Variants in C4orf50 observed in about 807,000 individuals in gnomAD.
C4orf50 encodes chromosome 4 open reading frame 50.
In C4orf50, 80 loss-of-function variants were observed where a neutral mutation model predicts 77.2. The ratio of observed to expected loss-of-function variants is 1.04; its 90% CI spans 0.87 to 1.25. The LOEUF is 1.25. Among genes scored for constraint, C4orf50 ranks in the 50% most tolerant of loss-of-function variants. The probability of loss-of-function intolerance (pLI) is 0.00; values close to 1 mark genes in which losing one functional copy is unlikely to be tolerated. For synonymous variants in C4orf50, 532 were observed against 465.3 expected (o/e 1.14, Z -1.84); for missense variants, 1,257 against 1,152.9 (o/e 1.09, Z -1.31).
exon 34 of C4orf50, chr4:5,959,242 A>G (rs1719133812): frequency 9.1e-7 from 1 of 1,093,944 alleles, no homozygotes; most frequent in East Asian, 2.4e-5. Context: ...ACAAAATCCC[A>G]AAGCCGAAGG....
intron 31 of C4orf50, among the ~76,000 whole-genome samples, chr4:5,972,768 C>A (rs181081725): frequency 6.6e-6 from 1 of 152,214 alleles, no homozygotes; most frequent in African/African-American, 2.4e-5. Context: ...TGGTCTCACC[C>A]GCGCACATAA....
In C4orf50 at chr4:5,962,700, C is replaced by G. The variant is rs570323880; in HGVS notation, c.4275+2324G>C. Among the ~76,000 whole-genome samples the G allele has an allele frequency of 5.9e-5, 9 of 152,354 alleles. No individual in the cohort carries two copies. In the East Asian group the frequency reaches 7.7e-4, roughly 13 times the overall value. ...CTTATGAGCTGGGTGACCTTTGCCC[C>G]CTCTGTGCCTCATCTTTTCTCACAG... is the stretch of plus-strand genomic sequence containing the variant. On this transcript the variant is annotated intron_variant, in intron 33 of 33. Transcript: ENST00000531445.
intron 7 of C4orf50, among the ~76,000 whole-genome samples, chr4:5,911,191 A>G (rs4325969): frequency 0.95 from 145,315 of 152,210 alleles, 69,558 homozygotes; most frequent in East Asian, 1. Flanking sequence ...TTACAGGCGT[A>G]AGCCACCATG....
chr4:5,959,320 C>G, exon 34 of C4orf50: 1 of 1,562,650 alleles, frequency 6.4e-7, no homozygotes, highest in Non-Finnish European at 8.7e-7. Flanking sequence ...TCTGAAGGTT[C>G]TGCTTCAAAT....
intron 7 of C4orf50, among the ~76,000 whole-genome samples, chr4:5,925,809 A>G (rs998642768): frequency 1.3e-5 from 2 of 152,214 alleles, no homozygotes; most frequent in African/African-American, 4.8e-5. Flanking sequence ...CCTGGGACCC[A>G]CCCTTGGCAG....
exon 28 of C4orf50, chr4:5,990,692 G>A (rs1721231538): frequency 7.5e-6 from 3 of 399,126 alleles, no homozygotes; most frequent in East Asian, 7.1e-5. Flanking sequence ...TCTGCAGCTG[G>A]GTCAGCTGCT....
At chr4:5,966,855 G>A (rs1263523022) in intron 32 of C4orf50, among the ~76,000 whole-genome samples, 1 of 152,002 alleles carries the variant, frequency 6.6e-6, no homozygotes, top group African/African-American at 2.4e-5. Context: ...TCACCATGTT[G>A]GCCAGGATGG....
In C4orf50 at chr4:5,975,495, TTTTTGTTTTG is replaced by T. The variant is rs61144018; in HGVS notation, c.3921+394_3921+403del. On this transcript the variant is annotated intron_variant, in intron 30 of 33. Coordinates refer to ENST00000531445, the Ensembl canonical transcript of C4orf50. Reference sequence around the variant, plus strand: ...GTCTCCTTCATTCTTCTTTGCGGTTTTTTTGTTTTGTTTTGTTTTGTTTTGTTTTGTTTTG... The same window carrying T: ...GTCTCCTTCATTCTTCTTTGCGGTTTTTTTGTTTTGTTTTGTTTTGTTTTG... Among the ~76,000 whole-genome samples the T allele has an allele frequency of 2.5e-3, 378 of 149,776 alleles. 1 individual carries two copies. Among genetic ancestry groups the T allele is most frequent in the Non-Finnish European group, 4.2e-3 (282 of 67,476 alleles).
chr4:5,978,633 AT>A (rs1285609118), intron 29 of C4orf50, among the ~76,000 whole-genome samples: 1 of 152,250 alleles, frequency 6.6e-6, no homozygotes, highest in Non-Finnish European at 1.5e-5. Context: ...AGACACACTC[AT>A]TTATTGTTGG....
chr4:6,015,836 C>G lies in C4orf50; in HGVS notation c.287+2309G>C, dbSNP rs995143843. 1.3e-5 allele frequency among the ~76,000 whole-genome samples: 2 copies of G among 152,194 alleles called. No homozygotes were observed. The highest frequency in any genetic ancestry group is 4.8e-5 in the African/African-American group (2 of 41,438). On this transcript the variant is annotated intron_variant, in intron 23 of 33. Transcript: ENST00000531445. The surrounding 1 kb of genome is among the most constrained non-coding windows in gnomAD (Gnocchi z 4.4). The stretch of plus-strand genomic sequence containing the variant: ...CCCACACTGGCGGCCACACTGCCAT[C>G]CCTAGACTCAACCCTCTCTGTCTCC...
chr4:5,906,807 TACAC>T (rs1182092411), intron 7 of C4orf50, among the ~76,000 whole-genome samples: 2 of 152,222 alleles, frequency 1.3e-5, no homozygotes, highest in Non-Finnish European at 2.9e-5. Context: ...TATCTGTAGG[TACAC>T]AGCTTCAAAT....
exon 31 of C4orf50, chr4:5,973,840 G>C (rs770889671): frequency 1.1e-4 from 179 of 1,608,024 alleles, no homozygotes; most frequent in Non-Finnish European, 1.5e-4. Flanking sequence ...AGCTATCTTG[G>C]CCTGAAAGGG....
chr4:5,988,725 C>T (rs763312636), exon 28 of C4orf50: 3 of 1,536,110 alleles, frequency 2.0e-6, no homozygotes, highest in Non-Finnish European at 2.6e-6. Flanking sequence ...GATCCGTGCT[C>T]CTCTGCAAGG....
At position 5,908,280 on chromosome 4, in the gene C4orf50, G is replaced by A. The variant is rs1281713162; in HGVS notation, c.*2475-10092C>T. ...GGTTACAAAGTAACAGTGTACTAAAGAGAGTCAGATGAAGGATCCATTTGA... is the reference window on the plus strand; with the variant it reads ...GGTTACAAAGTAACAGTGTACTAAAAAGAGTCAGATGAAGGATCCATTTGA... On this transcript the variant is annotated intron_variant, in intron 7 of 7. Transcript: ENST00000324058. The surrounding 1 kb of genome is among the most constrained non-coding windows in gnomAD (Gnocchi z 5.6). Among the ~76,000 whole-genome samples the A allele has an allele frequency of 6.6e-6, 1 of 152,172 alleles. No individual in the cohort carries two copies. Among genetic ancestry groups the A allele is most frequent in the East Asian group, 1.9e-4 (1 of 5,164 alleles).
chr4:5,918,237 T>C (rs1261267045), intron 7 of C4orf50, among the ~76,000 whole-genome samples: 1 of 152,126 alleles, frequency 6.6e-6, no homozygotes, highest in Non-Finnish European at 1.5e-5. Context: ...AGAAAGAACG[T>C]CAGCCAGTTC....
rs190196590 is a variant in C4orf50, at chr4:5,986,469, T to C, written c.3699+1878A>G. 3.9e-5 allele frequency among the ~76,000 whole-genome samples: 6 copies of C among 152,312 alleles called. No homozygotes were observed. The East Asian group carries it at 1.2e-3, about 29-fold the overall frequency. On this transcript the variant is annotated intron_variant, in intron 28 of 33. Coordinates refer to ENST00000531445, the Ensembl canonical transcript of C4orf50. Reference sequence around the variant, plus strand: ...TTAGGTTTTTTGTTGTTGTTGTTGCTTGTTTTTATTTCATCCTTTTGGACT... The same window carrying C: ...TTAGGTTTTTTGTTGTTGTTGTTGCCTGTTTTTATTTCATCCTTTTGGACT...
At chr4:6,005,258 G>A (rs186659806) in intron 25 of C4orf50, among the ~76,000 whole-genome samples, 167 of 152,278 alleles carry the variant, frequency 1.1e-3, no homozygotes, top group Non-Finnish European at 2.0e-3. Context: ...AAGTGGCTGG[G>A]GACCACACTT....
intron 25 of C4orf50, among the ~76,000 whole-genome samples, chr4:6,004,377 G>A (rs1370108717): frequency 2.4e-5 from 3 of 125,384 alleles, no homozygotes; most frequent in Admixed American, 9.0e-5. Context: ...TGGTGATGGT[G>A]ATGATGGTGA....
At chr4:5,928,672 A>G (rs1717630168) in intron 7 of C4orf50, among the ~76,000 whole-genome samples, 1 of 152,200 alleles carries the variant, frequency 6.6e-6, no homozygotes, top group African/African-American at 2.4e-5. Flanking sequence ...TCTACTGCAG[A>G]TGGCACCTTC....
Sources: gnomAD v4.1 joint callset for allele counts (sites outside exome capture counted in the v4.1 genomes callset) on GRCh38, gnomAD v4.1.1 for gene constraint, Gnocchi (gnomAD v3.1) non-coding constraint, MANE v1.5 for transcripts, NCBI Gene and HGNC (gene_info 2026-07-23, HGNC 2026-07-21) for gene names.